ATP8A1: variants seen among roughly 807,000 people sequenced by gnomAD.
ATP8A1 encodes the protein phospholipid-transporting ATPase IA.
In ATP8A1, 90 loss-of-function variants were observed where a neutral mutation model predicts 177.7. The observed-to-expected ratio is 0.51, with a 90% CI of 0.43 to 0.60. The LOEUF (loss-of-function observed/expected upper bound fraction) is 0.60, where lower values mean the gene tolerates loss of function less well. Ranked by LOEUF, ATP8A1 falls within the 20% of genes least tolerant of loss-of-function variation. The probability of loss-of-function intolerance (pLI) is 0.00; values close to 1 mark genes in which losing one functional copy is unlikely to be tolerated. For missense variants in ATP8A1, 1,072 were observed against 1,392.8 expected, an observed-to-expected ratio of 0.77 and a Z score of 3.67; for synonymous variants, 493 against 485.9, an observed-to-expected ratio of 1.01 and a Z score of -0.19.
Position 42,409,292 on chromosome 4 carries a change from C to T in ATP8A1, c.*3624G>A, listed in dbSNP as rs1712320310. 1 of 152,098 alleles carries T rather than the reference C, an allele frequency of 6.6e-6. No homozygotes were observed. Among genetic ancestry groups the T allele is most frequent in the Admixed American group, 6.6e-5 (1 of 15,264 alleles). 9.4% of individuals were successfully genotyped at this position (152,098 alleles called of 1,614,324 possible). A position where few individuals can be genotyped will look rare whatever the true frequency, so the allele number is the denominator to read the frequency against. On this transcript the variant is annotated 3_prime_UTR_variant, in exon 37 of 37. Coordinates refer to ENST00000381668, the MANE Select transcript of ATP8A1 (RefSeq NM_006095.2). The stretch of plus-strand genomic sequence containing the variant: ...AATATGGAAAACATTTATTTCCTTT[C>T]CTTCAAAATTTAACTTACATTCCAC...
chr4:42,587,611 CTT>C (rs564079399), intron 8 of ATP8A1, among the ~76,000 whole-genome samples: 2 of 132,398 alleles, frequency 1.5e-5, no homozygotes, highest in Middle Eastern at 5.1e-3. Context: ...CCTTGTACAG[CTT>C]TTTTTTTTTT....
At chr4:42,504,417 G>A (rs1724158962) in intron 23 of ATP8A1, among the ~76,000 whole-genome samples, 1 of 152,160 alleles carries the variant, frequency 6.6e-6, no homozygotes, top group Non-Finnish European at 1.5e-5. Flanking sequence ...TTGGGTTAAT[G>A]GTAATTCCAT....
chr4:42,427,259 G>A (rs1325075734), intron 33 of ATP8A1, among the ~76,000 whole-genome samples: 1 of 152,176 alleles, frequency 6.6e-6, no homozygotes, highest in East Asian at 1.9e-4. Context: ...CTGGGAGAAT[G>A]ACTACTACAA....
intron 4 of ATP8A1, among the ~76,000 whole-genome samples, chr4:42,616,515 A>G (rs954811220): frequency 6.6e-6 from 1 of 152,228 alleles, no homozygotes; most frequent in Non-Finnish European, 1.5e-5. Context: ...TCAGCTTACG[A>G]AATTTGTTAC....
chr4:42,446,798 CTT>C (rs1188133549), intron 30 of ATP8A1, among the ~76,000 whole-genome samples, 154 bp from the exon 31 acceptor site: 3 of 151,270 alleles, frequency 2.0e-5, no homozygotes, highest in African/African-American at 4.8e-5. Context: ...CCCAAACACT[CTT>C]GAGTGCTAAC....
chr4:42,546,372 A>G (rs1184702799), intron 19 of ATP8A1, among the ~76,000 whole-genome samples: 1 of 146,006 alleles, frequency 6.8e-6, no homozygotes, highest in African/African-American at 2.5e-5. Context: ...ACAGGTGGGA[A>G]TTGAACAATG....
chr4:42,648,040 C>T (rs1740713026), intron 1 of ATP8A1, among the ~76,000 whole-genome samples: 1 of 152,144 alleles, frequency 6.6e-6, no homozygotes, highest in Admixed American at 6.5e-5. Context: ...TGAATTCAGA[C>T]TGATACCAAT....
At chr4:42,625,544 G>C in intron 3 of ATP8A1, 70 bp downstream of exon 3, 1 of 1,021,236 alleles carries the variant, frequency 9.8e-7, no homozygotes. Context: ...ATAAACCTCA[G>C]GGGATTGGTC....
In ATP8A1 at chr4:42,411,213, T is replaced by C. The variant is rs1560294614; in HGVS notation, c.*1703A>G. The C allele has an allele frequency of 6.6e-6, 1 of 152,136 alleles. No homozygotes were observed. 9.4% of individuals were successfully genotyped at this position (152,136 alleles called of 1,614,324 possible). ...TATATGTGTTATAACCTCTTATTTG[T>C]AGAAAATGGAGAGGCATACTGGTAA... is the stretch of plus-strand genomic sequence containing the variant. On this transcript the variant is annotated 3_prime_UTR_variant, in exon 37 of 37. Transcript: ENST00000381668.
chr4:42,553,901 A>G (rs1560452015), intron 16 of ATP8A1, among the ~76,000 whole-genome samples: 1 of 152,182 alleles, frequency 6.6e-6, no homozygotes, highest in African/African-American at 2.4e-5. Context: ...ATGAAGTTTT[A>G]GCCTCATGAA....
chr4:42,546,096 G>C (rs559611931), intron 19 of ATP8A1, among the ~76,000 whole-genome samples: 1 of 152,094 alleles, frequency 6.6e-6, no homozygotes, highest in East Asian at 1.9e-4. Flanking sequence ...CTTATCAGAG[G>C]CCTTCCTTAC....
Position 42,656,824 on chromosome 4 carries a change from C to T in ATP8A1, c.49+1G>A. The T allele has an allele frequency of 6.4e-7, 1 of 1,574,664 alleles. No homozygotes were observed. Among genetic ancestry groups the T allele is most frequent in the Non-Finnish European group, 8.6e-7 (1 of 1,160,362 alleles). On this transcript the variant is annotated splice_donor_variant, in intron 1 of 36. Transcript: ENST00000381668. LOFTEE classifies it high-confidence loss of function. ...AGCCCCGAGCCTCGGCGGCCCCTTA[C>T]CTTCGGCGCGCGAGCGGATCTCCGA... is the stretch of plus-strand genomic sequence containing the variant.
intron 19 of ATP8A1, among the ~76,000 whole-genome samples, chr4:42,546,680 C>T (rs1728969895): frequency 6.6e-6 from 1 of 152,102 alleles, no homozygotes. Flanking sequence ...TCTAAACCAT[C>T]ACTCATCTAT....
Position 42,634,223 on chromosome 4 carries a change from A to G in ATP8A1, c.50-7114T>C, listed in dbSNP as rs555181018. Among the ~76,000 whole-genome samples the G allele has an allele frequency of 1.3e-4, 20 of 152,346 alleles. 1 individual carries two copies. The highest frequency in any genetic ancestry group is 3.3e-4 in the Admixed American group (5 of 15,292). ...CTGGCATGAGCCATATAACCTCTTC[A>G]TGATTGCATGATGCTCCATAGTACT... On this transcript the variant is annotated intron_variant, in intron 1 of 36. Transcript: ENST00000381668.
intron 25 of ATP8A1, among the ~76,000 whole-genome samples, chr4:42,475,491 C>CCA (rs1560367063): frequency 1.5e-5 from 2 of 132,674 alleles, no homozygotes; most frequent in Non-Finnish European, 3.1e-5. Flanking sequence ...AAATATCAGA[C>CCA]AAAAAAAAAA....
At chr4:42,417,794 G>A (rs926963042) in intron 35 of ATP8A1, among the ~76,000 whole-genome samples, 55 of 152,184 alleles carry the variant, frequency 3.6e-4, no homozygotes, top group African/African-American at 1.2e-3. Flanking sequence ...AATGTTTAAT[G>A]TATAGCATGC....
rs535345573 is a variant in ATP8A1, at chr4:42,480,459, G to C, written c.2324+5037C>G. Among the ~76,000 whole-genome samples, 11 of 152,294 alleles carry C rather than the reference G, an allele frequency of 7.2e-5. No individual in the cohort carries two copies. The East Asian group carries it at 2.1e-3, about 29-fold the overall frequency. ...TGACATTCATTAACAGTTTGTAAAA[G>C]TCTTTTCAAAGCCAAACATCTGCTT... On this transcript the variant is annotated intron_variant, in intron 25 of 36. Coordinates refer to ENST00000381668, the MANE Select transcript of ATP8A1 (RefSeq NM_006095.2).
Position 42,535,282 on chromosome 4 carries a change from T to C in ATP8A1, c.1722+8635A>G, listed in dbSNP as rs575912728. 1.1e-4 allele frequency among the ~76,000 whole-genome samples: 16 copies of C among 152,244 alleles called. 1 individual carries two copies. The highest frequency in any genetic ancestry group is 3.4e-4 in the African/African-American group (14 of 41,552). Reference sequence around the variant, plus strand: ...TAAAAGGGTGGAAAAAGATATTCTATGCAAATGGACACCAAAAGCAAGCAG... The same window carrying C: ...TAAAAGGGTGGAAAAAGATATTCTACGCAAATGGACACCAAAAGCAAGCAG... On this transcript the variant is annotated intron_variant, in intron 20 of 36. Transcript: ENST00000381668.
intron 25 of ATP8A1, chr4:42,472,477 AG>A (rs1720539653): frequency 3.2e-6 from 1 of 316,528 alleles, no homozygotes; most frequent in Non-Finnish European, 6.1e-6. Flanking sequence ...GGCCAGGAGC[AG>A]TGGCTCACGC....
Sources: gnomAD v4.1 joint callset for allele counts (sites outside exome capture counted in the v4.1 genomes callset) on GRCh38, gnomAD v4.1.1 for gene constraint, MANE v1.5 for transcripts, NCBI Gene and HGNC (gene_info 2026-07-23, HGNC 2026-07-21) for gene names.